The following TRPM3 variants were observed in gnomAD, a reference collection of about 807,000 sequenced individuals.
TRPM3 encodes transient receptor potential cation channel subfamily M member 3, also known as long transient receptor potential channel 3.
A neutral mutation model predicts 181.2 loss-of-function variants in TRPM3; 77 were observed. The observed-to-expected ratio is 0.42, with a 90% CI of 0.35 to 0.51. TRPM3 has a LOEUF of 0.51. Among genes scored for constraint, TRPM3 ranks in the 20% least tolerant of loss-of-function variants. The pLI, the probability that TRPM3 is intolerant of heterozygous loss-of-function variation, is 0.01. For synonymous variants in TRPM3, 745 were observed against 796.4 expected (o/e 0.94, Z 1.09); for missense variants, 1,759 against 2,196.7 (o/e 0.80, Z 3.98).
chr9:70,662,036 A>C (rs1157547506), intron 9 of TRPM3, among the ~76,000 whole-genome samples: 1 of 152,214 alleles, frequency 6.6e-6, no homozygotes, highest in Non-Finnish European at 1.5e-5. Context: ...ACAAGGTTAC[A>C]GTTATCAAAA....
intron 1 of TRPM3, among the ~76,000 whole-genome samples, chr9:71,283,286 C>T (rs1351215495): frequency 6.6e-6 from 1 of 151,988 alleles, no homozygotes; most frequent in African/African-American, 2.4e-5. Flanking sequence ...CATGTGTCAG[C>T]ATTTCTTTCT....
At chr9:70,628,207 C>A (rs547790919) in intron 12 of TRPM3, among the ~76,000 whole-genome samples, 1 of 152,264 alleles carries the variant, frequency 6.6e-6, no homozygotes, top group Admixed American at 6.5e-5. Flanking sequence ...CCTGGGTAAG[C>A]CTCATTCATA....
intron 1 of TRPM3, among the ~76,000 whole-genome samples, chr9:70,930,862 A>G (rs567152359): frequency 3.2e-4 from 49 of 152,282 alleles, no homozygotes; most frequent in Non-Finnish European, 5.7e-4. Context: ...AACAGGGCAA[A>G]TGAAAGTGGC....
intron 1 of TRPM3, among the ~76,000 whole-genome samples, chr9:71,245,188 C>T (rs2081962064): frequency 6.6e-6 from 1 of 152,056 alleles, no homozygotes; most frequent in Non-Finnish European, 1.5e-5. Context: ...GTAGCTCATG[C>T]CTGTAATCCC....
At chr9:71,305,840 A>C (rs2087249759) in intron 1 of TRPM3, among the ~76,000 whole-genome samples, 1 of 152,120 alleles carries the variant, frequency 6.6e-6, no homozygotes, top group Admixed American at 6.5e-5. Flanking sequence ...TCTGCTCGTT[A>C]CTAGGAATTA....
rs140239035 is a variant in TRPM3 at position 71,248,770 on chromosome 9, G to A, written c.183+197883C>T. Among the ~76,000 whole-genome samples, 516 of 152,190 alleles carry A rather than the reference G, an allele frequency of 3.4e-3. 2 individuals are homozygous for A. Among genetic ancestry groups the A allele is most frequent in the Middle Eastern group, 0.01 (3 of 294 alleles). On this transcript the variant is annotated intron_variant, in intron 1 of 24. Coordinates refer to the TRPM3 transcript ENST00000357533. ...CGTCCAACTATTGTTACACATGTACGTAACTACTTATGATTGTCAACCTCC... is the reference window on the plus strand; with the variant it reads ...CGTCCAACTATTGTTACACATGTACATAACTACTTATGATTGTCAACCTCC...
At position 71,352,272 on chromosome 9, in the gene TRPM3, G is replaced by A. The variant is rs1262386509; in HGVS notation, c.183+94381C>T. Reference sequence around the variant, plus strand: ...TGTATTAGAGAAGTTCCATAATTCAGAAGAAACATTAATAAAAAATTTTCA... The same window carrying A: ...TGTATTAGAGAAGTTCCATAATTCAAAAGAAACATTAATAAAAAATTTTCA... On this transcript the variant is annotated intron_variant, in intron 1 of 24. Transcript: ENST00000357533. Among the ~76,000 whole-genome samples, 2 of 152,018 alleles carry A rather than the reference G, an allele frequency of 1.3e-5. 1 individual carries two copies.
intron 1 of TRPM3, among the ~76,000 whole-genome samples, chr9:71,393,188 T>A (rs902294504): frequency 1.3e-5 from 2 of 152,154 alleles, no homozygotes; most frequent in African/African-American, 4.8e-5. Context: ...AGAAGTGAAT[T>A]GACTTTCAGG....
intron 1 of TRPM3, among the ~76,000 whole-genome samples, chr9:71,097,540 G>A (rs1477661242): frequency 2.0e-5 from 3 of 151,660 alleles, no homozygotes; most frequent in Admixed American, 6.6e-5. Flanking sequence ...AGAACTTTCT[G>A]ATACTTCCAA....
intron 1 of TRPM3, among the ~76,000 whole-genome samples, chr9:70,915,300 T>C (rs1486546893): frequency 6.6e-6 from 1 of 151,734 alleles, no homozygotes; most frequent in African/African-American, 2.4e-5. Context: ...ATCAGAGTCT[T>C]TTTTTTTCTT....
chr9:70,863,516 C>T (rs966077779), intron 2 of TRPM3, among the ~76,000 whole-genome samples: 1 of 152,108 alleles, frequency 6.6e-6, no homozygotes, highest in South Asian at 2.1e-4. Flanking sequence ...GTTTAACATG[C>T]ACATTTAAAT....
chr9:70,606,649 G>GTATATATA (rs199770909), intron 19 of TRPM3, among the ~76,000 whole-genome samples: 147 of 77,892 alleles, frequency 1.9e-3, no homozygotes, highest in Middle Eastern at 8.1e-3. Context: ...GTGTGTGTGT[G>GTATATATA]TGTATATATA....
intron 1 of TRPM3, among the ~76,000 whole-genome samples, chr9:71,416,018 T>G (rs867908779): frequency 1.7e-3 from 255 of 151,876 alleles, no homozygotes; most frequent in African/African-American, 5.8e-3. Context: ...CAATTTTTTT[T>G]TTTTTTTTAC....
chr9:70,977,059 T>G (rs985614685), intron 1 of TRPM3, among the ~76,000 whole-genome samples: 35 of 152,178 alleles, frequency 2.3e-4, no homozygotes, highest in African/African-American at 7.7e-4. Flanking sequence ...GAAACATATG[T>G]GATACAAAGA....
At chr9:71,272,031 AG>A (rs1411031028) in intron 1 of TRPM3, among the ~76,000 whole-genome samples, 1 of 152,170 alleles carries the variant, frequency 6.6e-6, no homozygotes, top group Admixed American at 6.6e-5. Flanking sequence ...TGGTTAACGG[AG>A]GGGGTATATT....
At chr9:71,186,318 A>G (rs2077677773) in intron 1 of TRPM3, among the ~76,000 whole-genome samples, 1 of 152,086 alleles carries the variant, frequency 6.6e-6, no homozygotes, top group African/African-American at 2.4e-5. Context: ...TTACTATATC[A>G]AAAACATTTC....
chr9:70,784,394 A>AGGT (rs2083132016), intron 6 of TRPM3, 115 bp from the exon 7 acceptor site: 2 of 1,150,828 alleles, frequency 1.7e-6, no homozygotes, highest in Admixed American at 2.8e-5. Context: ...AGCACGGGGG[A>AGGT]GGTAGCAACA....
chr9:70,978,648 T>C (rs1031744132), intron 1 of TRPM3, among the ~76,000 whole-genome samples: 1 of 152,210 alleles, frequency 6.6e-6, no homozygotes, highest in Non-Finnish European at 1.5e-5. Context: ...GTTGTTCCCG[T>C]CATGGGGTAA....
intron 22 of TRPM3, among the ~76,000 whole-genome samples, chr9:70,554,263 C>T (rs563327752): frequency 6.6e-6 from 1 of 152,284 alleles, no homozygotes; most frequent in South Asian, 2.1e-4. Flanking sequence ...AGGTGCCAGG[C>T]ATGGGTGAGG....
Sources: gnomAD v4.1 joint callset for allele counts (sites outside exome capture counted in the v4.1 genomes callset) on GRCh38, gnomAD v4.1.1 for gene constraint, MANE v1.5 for transcripts, NCBI Gene and HGNC (gene_info 2026-07-23, HGNC 2026-07-21) for gene names.